Variants in DAW1 observed in about 807,000 individuals in gnomAD.
DAW1 encodes the protein dynein assembly factor with WD repeats 1, also known as dynein assembly factor with WD repeat domains 1.
DAW1 carries 47 observed loss-of-function variants against 56.5 expected under a neutral mutation model. The observed-to-expected ratio is 0.83, with a 90% CI of 0.66 to 1.06. DAW1 has a LOEUF of 1.06. DAW1 is among the 50% of genes least tolerant of loss of function. DAW1 has a pLI of 0.00. For synonymous variants in DAW1, 190 were observed against 179.0 expected, an observed-to-expected ratio of 1.06 and a Z score of -0.49; for missense variants, 505 against 499.3, an observed-to-expected ratio of 1.01 and a Z score of -0.11.
At chr2:227,914,569 A>G (rs1574670819) in intron 10 of DAW1, among the ~76,000 whole-genome samples, 1 of 152,146 alleles carries the variant, frequency 6.6e-6, no homozygotes, top group South Asian at 2.1e-4. Flanking sequence ...CCTTATATCC[A>G]AGAAGATTAC....
chr2:227,905,093 C>T, intron 8 of DAW1, 58 bp downstream of exon 8: 2 of 1,478,352 alleles, frequency 1.4e-6, no homozygotes, highest in Non-Finnish European at 1.9e-6. Flanking sequence ...AGAAAACCCT[C>T]TGTTATTTTT....
intron 6 of DAW1, among the ~76,000 whole-genome samples, chr2:227,902,666 T>A (rs1456602546): frequency 6.6e-6 from 1 of 151,942 alleles, no homozygotes; most frequent in East Asian, 1.9e-4. Flanking sequence ...GGAAGGACTG[T>A]GGTGACAGCA....
intron 12 of DAW1, 91 bp from the exon 13 acceptor site, chr2:227,923,843 C>T: frequency 6.7e-7 from 1 of 1,502,612 alleles, no homozygotes; most frequent in Non-Finnish European, 9.1e-7. Flanking sequence ...TTGTTAATTA[C>T]CAATGGCCCA....
chr2:227,921,607 T>A, intron 12 of DAW1, 46 bp downstream of exon 12: 1 of 1,575,240 alleles, frequency 6.3e-7, no homozygotes, highest in Non-Finnish European at 8.6e-7. Context: ...CTTGATTGGC[T>A]GTTAGAGTTC....
Position 227,918,772 on chromosome 2 carries a change from T to C in DAW1, c.974-8T>C. On this transcript the variant is annotated splice_region_variant and splice_polypyrimidine_tract_variant and intron_variant, in intron 10 of 12. Coordinates refer to ENST00000309931, the MANE Select transcript of DAW1 (RefSeq NM_178821.3). Reference sequence around the variant, plus strand: ...GAATTTATATATATCCCCACCCCTCTCAAAAAGGAACAGCAAGAATTTTCA... The same window carrying C: ...GAATTTATATATATCCCCACCCCTCCCAAAAAGGAACAGCAAGAATTTTCA... 1 of 1,613,768 alleles carries C rather than the reference T, an allele frequency of 6.2e-7. No homozygotes were observed. Among genetic ancestry groups the C allele is most frequent in the Non-Finnish European group, 8.5e-7 (1 of 1,179,940 alleles).
chr2:227,872,647 G>A (rs1690783916), intron 1 of DAW1, among the ~76,000 whole-genome samples: 1 of 152,034 alleles, frequency 6.6e-6, no homozygotes, highest in South Asian at 2.1e-4. Context: ...AAACCTAGGT[G>A]GTCACTTTTT....
intron 7 of DAW1, 52 bp from the exon 8 acceptor site, chr2:227,904,877 C>T: frequency 1.3e-6 from 2 of 1,508,708 alleles, no homozygotes; most frequent in South Asian, 2.3e-5. Flanking sequence ...TGTACGCTTG[C>T]AGAAATTGTT....
chr2:227,900,808 T>C (rs911095671), intron 6 of DAW1, among the ~76,000 whole-genome samples: 10 of 152,160 alleles, frequency 6.6e-5, no homozygotes, highest in Non-Finnish European at 1.5e-4. Flanking sequence ...CCAGAGGTGA[T>C]GGGCAAGGAT....
Position 227,921,409 on chromosome 2 carries a change from AC to A in DAW1, c.1064del (p.Pro355LeufsTer7). 14 of 1,600,820 alleles carry A rather than the reference AC, an allele frequency of 8.7e-6. No individual in the cohort carries two copies. Among genetic ancestry groups the A allele is most frequent in the Non-Finnish European group, 1.2e-5 (14 of 1,175,880 alleles). ...CTTTCTCTTTTGCAGATTTCTTTCA[AC>A]CCTCAAGGGAACCATCTTCTAACTG... Reference protein sequence around the residue: ...HEGEISKISFNPQGNHLLTGS... With the variant: ...HEGEISKISFXPQGNHLLTGS... On this transcript the variant is annotated frameshift_variant, in exon 12 of 13. Transcript: ENST00000309931. LOFTEE classifies it high-confidence loss of function.
In DAW1 at chr2:227,907,187, A is replaced by T. The variant is rs754385095; in HGVS notation, c.908A>T (p.Asp303Val). Residue 303 changes from aspartate (D) to valine (V), a missense_variant, in exon 10 of 13, where the codon GAT becomes GTT. Asp to Val is a radical substitution (Grantham distance 152). Coordinates refer to ENST00000309931, the MANE Select transcript of DAW1 (RefSeq NM_178821.3). The part of the protein sequence containing the change: ...GKCVATLTGH[D>V]DEILDSCFDY... ...TGTGTGGCAACCTTAACAGGCCATGATGATGAAATACTAGACAGCTGCTTT... is the reference window on the plus strand; with the variant it reads ...TGTGTGGCAACCTTAACAGGCCATGTTGATGAAATACTAGACAGCTGCTTT... 1.9e-6 allele frequency: 3 copies of T among 1,613,828 alleles called. No individual in the cohort carries two copies. In the Admixed American group the frequency reaches 5.0e-5, roughly 27 times the overall value.
At chr2:227,892,107 A>G (rs781743779) in intron 4 of DAW1, among the ~76,000 whole-genome samples, 1 of 151,462 alleles carries the variant, frequency 6.6e-6, no homozygotes, top group Non-Finnish European at 1.5e-5. Flanking sequence ...GGCCCACCCT[A>G]CTGCGGCATG....
intron 6 of DAW1, among the ~76,000 whole-genome samples, chr2:227,901,447 G>A (rs1354417622): frequency 6.6e-6 from 1 of 152,184 alleles, no homozygotes; most frequent in Admixed American, 6.5e-5. Context: ...AGACTTGGAT[G>A]CATGAGTCAC....
At chr2:227,909,428 A>G (rs1313820108) in intron 10 of DAW1, among the ~76,000 whole-genome samples, 5 of 148,934 alleles carry the variant, frequency 3.4e-5, no homozygotes, top group Non-Finnish European at 7.4e-5. Flanking sequence ...TATATATAGT[A>G]TATAACCAAT....
chr2:227,894,653 T>C (rs1691363768), intron 5 of DAW1, among the ~76,000 whole-genome samples: 1 of 152,080 alleles, frequency 6.6e-6, no homozygotes, highest in Non-Finnish European at 1.5e-5. Context: ...AGGAAAAAAA[T>C]GTGTGTGGTA....
chr2:227,902,563 G>A (rs1038272691), intron 6 of DAW1, among the ~76,000 whole-genome samples: 4 of 152,082 alleles, frequency 2.6e-5, no homozygotes, highest in Non-Finnish European at 5.9e-5. Context: ...ATGGGTCTGG[G>A]GGAACTGGAT....
chr2:227,916,607 T>C (rs1691957562), intron 10 of DAW1, among the ~76,000 whole-genome samples: 1 of 152,186 alleles, frequency 6.6e-6, no homozygotes, highest in Non-Finnish European at 1.5e-5. Context: ...GAAAATTACA[T>C]ATGATAACCA....
chr2:227,906,425 C>T, intron 9 of DAW1, 87 bp downstream of exon 9: 1 of 858,730 alleles, frequency 1.2e-6, no homozygotes, highest in South Asian at 3.3e-5. Context: ...TAACAGATTT[C>T]AAAGATGATA....
chr2:227,886,341 G>A (rs1691129141), intron 2 of DAW1, among the ~76,000 whole-genome samples: 1 of 152,108 alleles, frequency 6.6e-6, no homozygotes, highest in African/African-American at 2.4e-5. Flanking sequence ...AAATAGCTGG[G>A]CGTGGTTGCT....
chr2:227,899,753 A>G (rs563290102), intron 6 of DAW1, among the ~76,000 whole-genome samples: 1 of 152,320 alleles, frequency 6.6e-6, no homozygotes, highest in Non-Finnish European at 1.5e-5. Context: ...AGTCGGTGAC[A>G]GCCGATCTGC....
Sources: gnomAD v4.1 joint callset for allele counts (sites outside exome capture counted in the v4.1 genomes callset) on GRCh38, gnomAD v4.1.1 for gene constraint, MANE v1.5 for transcripts, NCBI Gene and HGNC (gene_info 2026-07-23, HGNC 2026-07-21) for gene names.